Variants in AVIL observed in about 807,000 individuals in gnomAD.
The protein encoded by AVIL is advillin.
In AVIL, 78 loss-of-function variants were observed where a neutral mutation model predicts 109.9. The ratio of observed to expected loss-of-function variants is 0.71; its 90% CI spans 0.59 to 0.86. AVIL has a LOEUF of 0.86. Ranked by LOEUF, AVIL falls within the 40% of genes least tolerant of loss-of-function variation. AVIL has a pLI of 0.00. For missense variants in AVIL, 892 were observed against 1,016.5 expected, an observed-to-expected ratio of 0.88 and a Z score of 1.67; for synonymous variants, 367 against 379.1, an observed-to-expected ratio of 0.97 and a Z score of 0.37.
chr12:57,798,085 A>G (rs1017843573), intron 19 of AVIL, 90 bp from the exon 20 acceptor site: 4 of 825,194 alleles, frequency 4.8e-6, no homozygotes, highest in Non-Finnish European at 7.4e-6. Context: ...AGGGAGTTCT[A>G]GGTGGATCCT....
intron 14 of AVIL, 99 bp from the exon 15 acceptor site, chr12:57,803,768 C>T: frequency 6.8e-7 from 1 of 1,473,910 alleles, no homozygotes; most frequent in Non-Finnish European, 9.1e-7. Context: ...GTGCCAGGAT[C>T]AGCTACCAAA....
In AVIL at chr12:57,801,155, G is replaced by A. The variant is rs780595972; in HGVS notation, c.2209C>T (p.Arg737Ter). The A allele has an allele frequency of 1.1e-5, 17 of 1,613,412 alleles. No individual in the cohort carries two copies. The Admixed American group carries it at 1.7e-4, about 16-fold the overall frequency. Residue 737 changes from arginine to a stop codon, truncating the protein, a stop_gained, in exon 18 of 20, where the codon CGA becomes TGA. Coordinates refer to ENST00000549994, the MANE Select transcript of AVIL (RefSeq NM_006576.4). LOFTEE classifies it high-confidence loss of function. ...CGAACCCGACTCACAGCAGTGATTC[G>A]CATGATAGCAGCAGCATCTCCCAGC... ...EELGDAAAIM[R>*]ITADMKNATL... is the part of the protein sequence containing the mutation.
chr12:57,817,220 A>G (rs1956110317), intron 1 of AVIL, among the ~76,000 whole-genome samples: 1 of 151,996 alleles, frequency 6.6e-6, no homozygotes, highest in African/African-American at 2.4e-5. Context: ...GGGTTGATGG[A>G]TTTATGTAAG....
intron 2 of AVIL, 117 bp downstream of exon 2, chr12:57,815,858 A>T (rs574064667): frequency 6.4e-7 from 1 of 1,560,978 alleles, no homozygotes; most frequent in South Asian, 1.2e-5. Flanking sequence ...GCTGCCTCTC[A>T]TTCTCCTCAA....
In AVIL at chr12:57,813,405, G is replaced by T. The variant is rs1266437055; in HGVS notation, c.160C>A (p.Leu54Ile). ...CAGAAGTGGATGTCCTGGGATAGGA[G>T]ACTGGCCACTCTCCGGGTCTGGGAG... ...VILSTRRVASLLSQDIHFWIG... is the reference protein window; with the variant it reads ...VILSTRRVASILSQDIHFWIG... Residue 54 changes from leucine to isoleucine, a missense_variant, in exon 4 of 20, where the codon CTC becomes ATC. By Grantham distance (5) the Leu-to-Ile change is conservative (BLOSUM62 2). Coordinates refer to ENST00000549994, the MANE Select transcript of AVIL (RefSeq NM_006576.4). 1.2e-6 allele frequency: 2 copies of T among 1,613,986 alleles called. No individual in the cohort carries two copies. Among genetic ancestry groups the T allele is most frequent in the Non-Finnish European group, 1.7e-6 (2 of 1,179,988 alleles).
At position 57,807,088 on chromosome 12, in the gene AVIL, G is replaced by T. The variant is rs148418533; in HGVS notation, c.1491+243C>A. ...TTAGGGAGCTGAGGGTGGTGCACCT[G>T]CATAGGTAATATGGGTCAGGTTATG... On this transcript the variant is annotated intron_variant, in intron 13 of 19. Coordinates refer to ENST00000549994, the MANE Select transcript of AVIL (RefSeq NM_006576.4). Among the ~76,000 whole-genome samples the T allele has an allele frequency of 1.5e-3, 229 of 152,310 alleles. 1 individual carries two copies. The highest frequency in any genetic ancestry group is 2.4e-3 in the Non-Finnish European group (162 of 68,028).
At chr12:57,803,455 G>C (rs1955890021) in intron 15 of AVIL, 64 bp from the exon 16 acceptor site, 1 of 1,613,584 alleles carries the variant, frequency 6.2e-7, no homozygotes. Flanking sequence ...TGAGGTTTTA[G>C]CCTTTGTGCA....
Position 57,797,667 on chromosome 12 carries a change from A to G in AVIL, c.*215T>C. The G allele has an allele frequency of 1.4e-6, 1 of 733,316 alleles. No individual in the cohort carries two copies. The highest frequency in any genetic ancestry group is 1.8e-6 in the Non-Finnish European group (1 of 566,826). The allele number at this position is 733,316 out of a possible 1,614,324, so 45.4% of individuals were successfully genotyped here. A position where few individuals can be genotyped will look rare whatever the true frequency, so the allele number is the denominator to read the frequency against. On this transcript the variant is annotated 3_prime_UTR_variant, in exon 20 of 20. Coordinates refer to ENST00000549994, the MANE Select transcript of AVIL (RefSeq NM_006576.4). Reference sequence around the variant, plus strand: ...GCTGAGGCTTTAGCTAGAGGGCCACAAAACCCAAAAACTATATGGTTAACA... The same window carrying G: ...GCTGAGGCTTTAGCTAGAGGGCCACGAAACCCAAAAACTATATGGTTAACA...
intron 1 of AVIL, among the ~76,000 whole-genome samples, chr12:57,817,785 G>A (rs924649117): frequency 2.6e-5 from 4 of 152,276 alleles, no homozygotes; most frequent in East Asian, 1.9e-4. Flanking sequence ...GAGAGGATAA[G>A]CTCCAGGAAG....
In AVIL at chr12:57,814,094, C is replaced by T. The variant is rs1004303545; in HGVS notation, c.141+58G>A. 4.4e-6 allele frequency: 7 copies of T among 1,574,196 alleles called. No individual in the cohort carries two copies. In the East Asian group the frequency reaches 6.8e-5, roughly 15 times the overall value. ...TCCCTCACCAGCACATCTCCCAGTA[C>T]AGCCCAAGAACTGGCCCCAGGGGAG... On this transcript the variant is annotated intron_variant, in intron 3 of 19. Transcript: ENST00000549994.
At chr12:57,817,768 C>T (rs553486023) in intron 1 of AVIL, among the ~76,000 whole-genome samples, 40 of 152,058 alleles carry the variant, frequency 2.6e-4, no homozygotes, top group Non-Finnish European at 4.6e-4. Context: ...CCAGGCACCC[C>T]GAATGCGAGA....
rs1228149290 is a variant in AVIL at position 57,806,415 on chromosome 12, G to T, written c.1616C>A (p.Ser539Tyr). The T allele has an allele frequency of 6.2e-7, 1 of 1,613,990 alleles. No individual in the cohort carries two copies. The highest frequency in any genetic ancestry group is 1.3e-5 in the African/African-American group (1 of 74,892). ...EVPAFASSLN[S>Y]NDVFLLRTQA... ...AGTTCGCAGCAGAAAGACATCATTG[G>T]AGTTTAGGGAGGAGGCAAAGGCTGG... Residue 539 changes from serine (S) to tyrosine (Y), a missense_variant, in exon 14 of 20, where the codon TCC becomes TAC. Ser to Tyr is a moderately radical substitution (Grantham distance 144). Transcript: ENST00000549994.
rs1057241319 is a variant in AVIL at position 57,807,274 on chromosome 12, G to A, written c.1491+57C>T. ...CTCTGCTCTCCAATAGTCCTGTGCT[G>A]GTTTGTTAGTTTGGAACGTTCCAGC... On this transcript the variant is annotated intron_variant, in intron 13 of 19. Transcript: ENST00000549994. 14 of 1,611,500 alleles carry A rather than the reference G, an allele frequency of 8.7e-6. No individual in the cohort carries two copies. In the East Asian group the frequency reaches 2.9e-4, roughly 33 times the overall value.
chr12:57,800,198 T>C, intron 18 of AVIL: 1 of 313,594 alleles, frequency 3.2e-6, no homozygotes, highest in Non-Finnish European at 6.0e-6. Context: ...TGGATCTCAT[T>C]TGAATATTGG....
chr12:57,811,450 CT>C (rs1253225399), intron 4 of AVIL, among the ~76,000 whole-genome samples: 2 of 152,192 alleles, frequency 1.3e-5, no homozygotes, highest in African/African-American at 4.8e-5. Flanking sequence ...CCACAGAGGG[CT>C]TGTTTTGTTC....
Position 57,799,840 on chromosome 12 carries a change from G to A in AVIL, c.2301C>T (p.Asn767=), listed in dbSNP as rs182038642. 48 of 1,614,138 alleles carry A rather than the reference G, an allele frequency of 3.0e-5. No homozygotes were observed. The Admixed American group carries it at 7.5e-4, about 25-fold the overall frequency. The change falls in exon 19 of 20, where the codon AAC becomes AAT. Residue 767 remains asparagine (N), a synonymous_variant. Coordinates refer to ENST00000549994, the MANE Select transcript of AVIL (RefSeq NM_006576.4). ...KYYPIAVLLK[N]QNQELPEDVN... ...CATCCTCAGGCAGCTCCTGATTCTG[G>A]TTTTTCAACAGAACTGCTATAGGGT...
In AVIL at chr12:57,806,472, T is replaced by C; in HGVS notation, c.1559A>G (p.Asn520Ser). 6.2e-7 allele frequency: 1 copy of C among 1,614,148 alleles called. No individual in the cohort carries two copies. Among genetic ancestry groups the C allele is most frequent in the South Asian group, 1.1e-5 (1 of 91,088 alleles). ...CACTGCTTTGGTGTTAGATTTGTCA[T>C]TTCCATGAATTTGGAAGAGTCTTAC... ...PPVRLFQIHG[N>S]DKSNTKAVEV... Residue 520 changes from asparagine (N) to serine (S), a missense_variant, in exon 14 of 20, where the codon AAT becomes AGT. Transcript: ENST00000549994.
intron 14 of AVIL, among the ~76,000 whole-genome samples, chr12:57,804,860 T>G (rs1010576008): frequency 6.6e-6 from 1 of 151,738 alleles, no homozygotes; most frequent in Non-Finnish European, 1.5e-5. Context: ...TTCCAGAAGC[T>G]GTACCATTTG....
intron 16 of AVIL, among the ~76,000 whole-genome samples, 189 bp downstream of exon 16, chr12:57,803,058 C>A (rs1353105755): frequency 6.6e-6 from 1 of 152,170 alleles, no homozygotes; most frequent in African/African-American, 2.4e-5. Context: ...GAGTTTCAAA[C>A]ATCATTCTCA....
Sources: allele counts gnomAD v4.1 joint callset (sites outside exome capture counted in the v4.1 genomes callset), GRCh38; gene constraint gnomAD v4.1.1; transcripts MANE v1.5; gene names NCBI Gene and HGNC (gene_info 2026-07-23, HGNC 2026-07-21).